Variants in ATP6V1A observed in about 807,000 individuals in gnomAD.
ATP6V1A encodes V-type proton ATPase catalytic subunit A.
Under a neutral mutation model 70.1 loss-of-function variants are expected in ATP6V1A, and 18 were observed. The observed-to-expected ratio is 0.26, with a 90% confidence interval of 0.18 to 0.38. The LOEUF (loss-of-function observed/expected upper bound fraction) is 0.38. Among genes scored for constraint, ATP6V1A ranks in the 10% least tolerant of loss-of-function variants. The probability of loss-of-function intolerance (pLI) is 1.00; values close to 1 mark genes in which losing one functional copy is unlikely to be tolerated. For synonymous variants in ATP6V1A, 232 were observed against 253.8 expected (o/e 0.91, Z 0.82); for missense variants, 424 against 772.4 (o/e 0.55, Z 5.35).
At chr3:113,805,773 G>A (rs1025051643) in intron 14 of ATP6V1A, among the ~76,000 whole-genome samples, 3 of 152,106 alleles carry the variant, frequency 2.0e-5, no homozygotes, top group African/African-American at 7.2e-5. Context: ...GTTTCACCAT[G>A]TTGGCCAGGA....
intron 8 of ATP6V1A, among the ~76,000 whole-genome samples, chr3:113,794,002 G>A (rs751987247): frequency 1.3e-5 from 2 of 151,964 alleles, no homozygotes; most frequent in African/African-American, 2.4e-5. Context: ...TAGGGCAGGC[G>A]TTATTCCATT....
intron 1 of ATP6V1A, among the ~76,000 whole-genome samples, chr3:113,765,646 G>A (rs1353674998): frequency 6.0e-5 from 9 of 151,122 alleles, no homozygotes; most frequent in South Asian, 4.2e-4. Context: ...GGCCGGGCGC[G>A]GTGGCTCGGC....
intron 1 of ATP6V1A, among the ~76,000 whole-genome samples, chr3:113,766,126 C>A (rs565384049): frequency 3.7e-4 from 57 of 152,244 alleles, no homozygotes; most frequent in African/African-American, 1.3e-3. Context: ...GACTATGTGA[C>A]TTAAACAGCA....
chr3:113,774,689 T>G (rs1470126084), intron 1 of ATP6V1A, among the ~76,000 whole-genome samples: 1 of 152,052 alleles, frequency 6.6e-6, no homozygotes, highest in African/African-American at 2.4e-5. Context: ...TGGCACACAC[T>G]GTAGTCCCAG....
At chr3:113,761,076 A>G (rs1429395078) in intron 1 of ATP6V1A, among the ~76,000 whole-genome samples, 1 of 130,756 alleles carries the variant, frequency 7.6e-6, no homozygotes, top group Non-Finnish European at 1.7e-5. Flanking sequence ...AAAGAAAAAA[A>G]AAATAGACAT....
At chr3:113,754,838 T>C (rs373125413) in intron 1 of ATP6V1A, among the ~76,000 whole-genome samples, 5 of 152,352 alleles carry the variant, frequency 3.3e-5, no homozygotes, top group South Asian at 4.1e-4. Flanking sequence ...AAAGTACTTA[T>C]AATTGTTTAA....
intron 1 of ATP6V1A, among the ~76,000 whole-genome samples, chr3:113,776,964 A>C (rs1031039085): frequency 2.6e-5 from 4 of 152,176 alleles, no homozygotes; most frequent in African/African-American, 9.7e-5. Context: ...ATCTTCTCTA[A>C]ACATTCTAAT....
chr3:113,760,572 C>CA (rs34630087), intron 1 of ATP6V1A, among the ~76,000 whole-genome samples: 51,617 of 149,856 alleles, frequency 0.34, 8,852 homozygotes, highest in East Asian at 0.36. Flanking sequence ...ACTAAAAATA[C>CA]AAAAAATTAG....
chr3:113,782,812 T>TG (rs1308820002), intron 3 of ATP6V1A, among the ~76,000 whole-genome samples: 1 of 151,562 alleles, frequency 6.6e-6, no homozygotes, highest in African/African-American at 2.4e-5. Context: ...TTAGTAGAGA[T>TG]GGGGTTTCAC....
intron 12 of ATP6V1A, chr3:113,803,373 A>G: frequency 3.8e-6 from 2 of 531,656 alleles, no homozygotes; most frequent in South Asian, 2.3e-5. Flanking sequence ...GTTACACTGT[A>G]TAATTAAAAG....
chr3:113,800,420 A>G lies in ATP6V1A; in HGVS notation c.1494+1974A>G, dbSNP rs375219955. 3.0e-4 allele frequency among the ~76,000 whole-genome samples: 46 copies of G among 152,330 alleles called. No individual in the cohort carries two copies. In the South Asian group the frequency reaches 9.3e-3, roughly 31 times the overall value. The stretch of plus-strand genomic sequence containing the variant: ...AAAACAATGTGGTATTGGTAAAATA[A>G]CAGACCAGCGGACCAGTGGAGCAGA... On this transcript the variant is annotated intron_variant, in intron 12 of 14. Coordinates refer to ENST00000273398, the MANE Select transcript of ATP6V1A (RefSeq NM_001690.4).
At chr3:113,800,734 T>C (rs1347443171) in intron 12 of ATP6V1A, among the ~76,000 whole-genome samples, 2 of 152,126 alleles carry the variant, frequency 1.3e-5, no homozygotes, top group African/African-American at 4.8e-5. Flanking sequence ...CCCCTTAACA[T>C]TAGCCTTAAA....
chr3:113,808,669 T>G (rs1380259078), intron 14 of ATP6V1A, among the ~76,000 whole-genome samples: 2 of 152,192 alleles, frequency 1.3e-5, no homozygotes, highest in Non-Finnish European at 2.9e-5. Context: ...TACCAGATGT[T>G]GAGCAAATTC....
chr3:113,769,272 A>G (rs760103055), intron 1 of ATP6V1A, among the ~76,000 whole-genome samples: 1 of 152,238 alleles, frequency 6.6e-6, no homozygotes, highest in Non-Finnish European at 1.5e-5. Flanking sequence ...TAAAAATATT[A>G]AACAGATTTA....
Position 113,788,787 on chromosome 3 carries a change from C to G in ATP6V1A, c.791C>G (p.Ser264Cys). ...AAGACAGTGATATCACAGTCTCTAT[C>G]CAAGTATTCTAACAGTGATGTAATC... Reference protein sequence around the residue: ...CGKTVISQSLSKYSNSDVIIY... With the variant: ...CGKTVISQSLCKYSNSDVIIY... Residue 264 changes from serine to cysteine, a missense_variant, in exon 7 of 15, where the codon TCC becomes TGC. Coordinates refer to ENST00000273398, the MANE Select transcript of ATP6V1A (RefSeq NM_001690.4). 6.2e-7 allele frequency: 1 copy of G among 1,613,728 alleles called. No individual in the cohort carries two copies. Among genetic ancestry groups the G allele is most frequent in the Non-Finnish European group, 8.5e-7 (1 of 1,179,708 alleles).
chr3:113,807,957 C>G (rs944765287), intron 14 of ATP6V1A, among the ~76,000 whole-genome samples: 5 of 151,844 alleles, frequency 3.3e-5, no homozygotes, highest in African/African-American at 1.2e-4. Flanking sequence ...ATGGAGAAAC[C>G]CCGTCTCTAC....
chr3:113,794,942 A>G lies in ATP6V1A; in HGVS notation c.1059A>G (p.Arg353=), dbSNP rs758035296. The G allele has an allele frequency of 6.2e-7, 1 of 1,613,998 alleles. No individual in the cohort carries two copies. The highest frequency in any genetic ancestry group is 1.3e-5 in the African/African-American group (1 of 74,936). Residue 353 remains arginine, a synonymous_variant, in exon 9 of 15, where the codon AGA becomes AGG. Coordinates refer to ENST00000273398, the MANE Select transcript of ATP6V1A (RefSeq NM_001690.4). ...HVSMMADSTS[R]WAEALREISG... is the part of the protein sequence containing the mutation. ...GTATGATGGCTGACTCTACCTCTAG[A>G]TGGGCTGAGGCCCTTAGAGAAATCT... is the stretch of plus-strand genomic sequence containing the variant.
intron 12 of ATP6V1A, chr3:113,801,229 A>T (rs1709208472): frequency 8.3e-4 from 1 of 1,206 alleles, no homozygotes; most frequent in African/African-American, 2.1e-3. Flanking sequence ...AAATACTTTT[A>T]AAAAAATTAA....
rs536085569 is a variant in ATP6V1A, at chr3:113,808,377, C to T, written c.1762-958C>T. ...CGCGATCTCAGCTCACTGCAACCTC[C>T]GCCTCCTGGGTTCAAGCGAGTCTCC... On this transcript the variant is annotated intron_variant, in intron 14 of 14. Coordinates refer to ENST00000273398, the MANE Select transcript of ATP6V1A (RefSeq NM_001690.4). 4.7e-5 allele frequency among the ~76,000 whole-genome samples: 7 copies of T among 149,306 alleles called. No individual in the cohort carries two copies. The South Asian group carries it at 6.4e-4, about 14-fold the overall frequency.
Sources: gnomAD v4.1 joint callset for allele counts (sites outside exome capture counted in the v4.1 genomes callset) on GRCh38, gnomAD v4.1.1 for gene constraint, MANE v1.5 for transcripts, NCBI Gene and HGNC (gene_info 2026-07-23, HGNC 2026-07-21) for gene names.